LIG3: variants seen among roughly 807,000 people sequenced by gnomAD.
LIG3 encodes ligase II, DNA, ATP-dependent.
In LIG3, 58 loss-of-function variants were observed where a neutral mutation model predicts 110.9. That is an observed-to-expected ratio of 0.52 (90% confidence interval 0.42 to 0.65). The LOEUF (loss-of-function observed/expected upper bound fraction) is 0.65. LIG3 is among the 30% of genes least tolerant of loss of function. LIG3 has a pLI of 0.00. For missense variants in LIG3, 1,094 were observed against 1,273.8 expected (o/e 0.86, Z 2.15); for synonymous variants, 422 against 472.8 (o/e 0.89, Z 1.39).
chr17:34,985,936 T>C lies in LIG3; in HGVS notation c.548-52T>C, dbSNP rs111570737. On this transcript the variant is annotated intron_variant, in intron 2 of 19. Coordinates refer to ENST00000378526, the MANE Select transcript of LIG3 (RefSeq NM_013975.4). ...AGTTGATAGATTCTTTGGATGTTTTTTTCAGAGATCGTTCACTGAAGGATA... is the reference window on the plus strand; with the variant it reads ...AGTTGATAGATTCTTTGGATGTTTTCTTCAGAGATCGTTCACTGAAGGATA... 42 of 1,580,696 alleles carry C rather than the reference T, an allele frequency of 2.7e-5. 1 individual carries two copies. In the African/African-American group the frequency reaches 2.7e-4, roughly 10 times the overall value.
intron 17 of LIG3, 46 bp from the exon 18 acceptor site, chr17:35,001,863 C>A: frequency 6.4e-7 from 1 of 1,560,214 alleles, no homozygotes; most frequent in South Asian, 1.2e-5. Context: ...TGAGGCCAGA[C>A]TGGGAAGGCA....
chr17:34,998,484 G>A, intron 13 of LIG3, 120 bp from the exon 14 acceptor site: 1 of 1,302,806 alleles, frequency 7.7e-7, no homozygotes, highest in East Asian at 2.3e-5. Context: ...CCTGGAGCCT[G>A]AGGGCTCTTA....
At chr17:34,985,365 G>GA (rs1265479893) in intron 2 of LIG3, among the ~76,000 whole-genome samples, 1 of 152,034 alleles carries the variant, frequency 6.6e-6, no homozygotes. Flanking sequence ...TCTTTGAAAG[G>GA]AAAAAAGACT....
In LIG3 at chr17:34,989,976, A is replaced by T. The variant is rs1043373660; in HGVS notation, c.889+313A>T. ...CTAGTTAGAAAATTTACTGTCCTAC[A>T]TATTTAATTAGGTTTTTGTGAACCA... On this transcript the variant is annotated intron_variant, in intron 4 of 19. Coordinates refer to ENST00000378526, the MANE Select transcript of LIG3 (RefSeq NM_013975.4). 9.3e-6 allele frequency: 3 copies of T among 321,870 alleles called. No homozygotes were observed. In the Admixed American group the frequency reaches 1.3e-4, roughly 14 times the overall value. 19.9% of individuals were successfully genotyped at this position (321,870 alleles called of 1,614,324 possible). A position where few individuals can be genotyped will look rare whatever the true frequency, so the allele number is the denominator to read the frequency against.
At position 34,982,647 on chromosome 17, in the gene LIG3, C is replaced by CAAAA. The variant is rs201908775; in HGVS notation, c.-4-343_-4-340dup. On this transcript the variant is annotated intron_variant, in intron 1 of 19. Coordinates refer to ENST00000378526, the MANE Select transcript of LIG3 (RefSeq NM_013975.4). ...GGGCAATTAAAGTGAAACTCCGCCT[C>CAAAA]AAAAAAAAAAAAAAAGAAAGTTCAG... Among the ~76,000 whole-genome samples the CAAAA allele has an allele frequency of 8.2e-3, 655 of 79,662 alleles. 5 individuals carry two copies. The highest frequency in any genetic ancestry group is 0.028 in the African/African-American group (611 of 22,134). 52.3% of individuals were successfully genotyped at this position (79,662 alleles called of 152,430 possible). A position where few individuals can be genotyped will look rare whatever the true frequency, so the allele number is the denominator to read the frequency against.
At chr17:35,002,161 CAAGG>C (rs2142287245) in intron 18 of LIG3, 57 bp downstream of exon 18, 1 of 1,421,266 alleles carries the variant, frequency 7.0e-7, no homozygotes, top group African/African-American at 1.4e-5. Flanking sequence ...GGCAGAGATC[CAAGG>C]GCAGGGACCC....
intron 17 of LIG3, among the ~76,000 whole-genome samples, 169 bp from the exon 18 acceptor site, chr17:35,001,740 A>G (rs1567694634): frequency 1.3e-5 from 2 of 152,206 alleles, no homozygotes; most frequent in Non-Finnish European, 2.9e-5. Flanking sequence ...TACTCAGGCT[A>G]TAGGGCCATA....
rs2090892996 is a variant in LIG3 at position 35,005,980 on chromosome 17, CA to C, written c.*1476del. Reference sequence around the variant, plus strand: ...CCTGCTGACCTATTGATAATACCAACAATGTTGAGTGGCATTTTCTTCTTAG... The same window carrying C: ...CCTGCTGACCTATTGATAATACCAACATGTTGAGTGGCATTTTCTTCTTAG... On this transcript the variant is annotated 3_prime_UTR_variant, in exon 20 of 20. Coordinates refer to ENST00000378526, the MANE Select transcript of LIG3 (RefSeq NM_013975.4). The C allele has an allele frequency of 3.8e-6, 1 of 263,704 alleles. No individual in the cohort carries two copies. Among genetic ancestry groups the C allele is most frequent in the African/African-American group, 2.3e-5 (1 of 44,282 alleles). 16.3% of individuals were successfully genotyped at this position (263,704 alleles called of 1,614,324 possible).
In LIG3 at chr17:35,006,438, C is replaced by T. The variant is rs2090895778; in HGVS notation, c.*1932C>T. The T allele has an allele frequency of 6.6e-6, 1 of 152,500 alleles. No homozygotes were observed. Among genetic ancestry groups the T allele is most frequent in the East Asian group, 1.9e-4 (1 of 5,202 alleles). The allele number at this position is 152,500 out of a possible 1,614,324, so 9.4% of individuals were successfully genotyped here. On this transcript the variant is annotated 3_prime_UTR_variant, in exon 20 of 20. Transcript: ENST00000378526. ...GCAAGTTACGTTAACATCTAAGCCT[C>T]AATCCCTCCAAGTAGAATGGGTGCA...
At chr17:34,984,645 TTC>T (rs1269980603) in intron 2 of LIG3, among the ~76,000 whole-genome samples, 3 of 151,502 alleles carry the variant, frequency 2.0e-5, no homozygotes, top group Admixed American at 2.0e-4. Flanking sequence ...TATCTGTTTC[TTC>T]TTTTTTTTTT....
rs186000573 is a variant in LIG3 at position 35,007,268 on chromosome 17, G to A, written c.*2762G>A. The stretch of plus-strand genomic sequence containing the variant: ...CATCTTGTCCCTTCTCTGCCTTAGT[G>A]TGTGTTATTGCCATTTCAATGTCAG... On this transcript the variant is annotated 3_prime_UTR_variant, in exon 20 of 20. Coordinates refer to ENST00000378526, the MANE Select transcript of LIG3 (RefSeq NM_013975.4). 1.3e-5 allele frequency: 2 copies of A among 152,380 alleles called. No homozygotes were observed. Among genetic ancestry groups the A allele is most frequent in the Middle Eastern group, 3.4e-3 (1 of 294 alleles). The allele number at this position is 152,380 out of a possible 1,614,324, so 9.4% of individuals were successfully genotyped here.
rs556399022 is a variant in LIG3, at chr17:35,001,901, C to T, written c.2479-8C>T. On this transcript the variant is annotated splice_polypyrimidine_tract_variant and splice_region_variant and intron_variant, in intron 17 of 19. Coordinates refer to ENST00000378526, the MANE Select transcript of LIG3 (RefSeq NM_013975.4). ...GAAACCCTCTGACATTGTCCCTCCCCGCCTCAGGAACTGTACCAGTTGTCC... is the reference window on the plus strand; with the variant it reads ...GAAACCCTCTGACATTGTCCCTCCCTGCCTCAGGAACTGTACCAGTTGTCC... The T allele has an allele frequency of 2.6e-5, 41 of 1,605,212 alleles. No individual in the cohort carries two copies. Among genetic ancestry groups the T allele is most frequent in the South Asian group, 8.9e-5 (8 of 89,582 alleles).
rs2090651725 is a variant in LIG3 at position 34,986,067 on chromosome 17, T to C, written c.627T>C (p.Thr209=). 1.9e-6 allele frequency: 3 copies of C among 1,614,168 alleles called. No individual in the cohort carries two copies. Among genetic ancestry groups the C allele is most frequent in the Non-Finnish European group, 2.5e-6 (3 of 1,179,988 alleles). ...AGTTGACAACCACTGGCCAGGTGAC[T>C]TCTCCAGTGAAAGGCGCCTCATTTG... ...QAKLTTTGQV[T]SPVKGASFVT... is the part of the protein sequence containing the mutation. Residue 209 remains threonine (T), a synonymous_variant, in exon 3 of 20, where the codon ACT becomes ACC. Transcript: ENST00000378526.
intron 9 of LIG3, among the ~76,000 whole-genome samples, chr17:34,994,788 C>G (rs1036018336): frequency 5.3e-5 from 8 of 152,112 alleles, no homozygotes; most frequent in Non-Finnish European, 7.4e-5. Flanking sequence ...GCTTATATAC[C>G]AGGGGCTATT....
intron 4 of LIG3, among the ~76,000 whole-genome samples, chr17:34,990,644 G>GC (rs2090709444): frequency 6.6e-6 from 1 of 152,106 alleles, no homozygotes; most frequent in African/African-American, 2.4e-5. Context: ...TGTCGCCCAG[G>GC]CTGGAGTACA....
chr17:34,987,871 C>T (rs1171444068), intron 3 of LIG3, among the ~76,000 whole-genome samples: 9 of 152,092 alleles, frequency 5.9e-5, no homozygotes, highest in Admixed American at 6.5e-5. Context: ...ATTGCAAAAA[C>T]GGTGCCTGGC....
intron 2 of LIG3, among the ~76,000 whole-genome samples, chr17:34,984,552 A>G (rs1283732981): frequency 6.6e-6 from 1 of 151,770 alleles, no homozygotes; most frequent in Non-Finnish European, 1.5e-5. Context: ...GAAATTGGTA[A>G]TTTCTCTGGG....
Position 34,991,052 on chromosome 17 carries a change from G to A in LIG3, c.979G>A (p.Val327Met). ...TTACAACTTGAACGATAAGCAGATT[G>A]TGAAGCTTTTCAGTCGCATTTTTAA... ...TVYNLNDKQIVKLFSRIFNCN... is the reference protein window; with the variant it reads ...TVYNLNDKQIMKLFSRIFNCN... Residue 327 changes from valine to methionine, a missense_variant, in exon 5 of 20, where the codon GTG (valine) becomes ATG (methionine). Coordinates refer to ENST00000378526, the MANE Select transcript of LIG3 (RefSeq NM_013975.4). The A allele has an allele frequency of 6.2e-7, 1 of 1,614,198 alleles. No homozygotes were observed. The highest frequency in any genetic ancestry group is 8.5e-7 in the Non-Finnish European group (1 of 1,180,016).
At position 34,995,945 on chromosome 17, in the gene LIG3, G is replaced by C; in HGVS notation, c.1612-119G>C. ...GCCTAGCTATATGTTTTGCACATTAGCTGGGCCTTCCACATGTTGTTCTAT... is the reference window on the plus strand; with the variant it reads ...GCCTAGCTATATGTTTTGCACATTACCTGGGCCTTCCACATGTTGTTCTAT... On this transcript the variant is annotated intron_variant, in intron 9 of 19. Coordinates refer to ENST00000378526, the MANE Select transcript of LIG3 (RefSeq NM_013975.4). 3 of 1,286,652 alleles carry C rather than the reference G, an allele frequency of 2.3e-6. No homozygotes were observed. In the South Asian group the frequency reaches 4.3e-5, roughly 19 times the overall value. 79.7% of individuals were successfully genotyped at this position (1,286,652 alleles called of 1,614,324 possible). A position where few individuals can be genotyped will look rare whatever the true frequency, so the allele number is the denominator to read the frequency against.
Sources: allele counts gnomAD v4.1 joint callset (sites outside exome capture counted in the v4.1 genomes callset), GRCh38; gene constraint gnomAD v4.1.1; transcripts MANE v1.5; gene names NCBI Gene and HGNC (gene_info 2026-07-23, HGNC 2026-07-21).